Variants in FAT3 observed in about 807,000 individuals in gnomAD.
FAT3 encodes FAT atypical cadherin 3, also known as protocadherin Fat 3.
In FAT3, 95 loss-of-function variants were observed where a neutral mutation model predicts 310.2. That is an observed-to-expected ratio of 0.31 (90% CI 0.26 to 0.36). The LOEUF (loss-of-function observed/expected upper bound fraction) is 0.36, where lower values mean the gene tolerates loss of function less well. Ranked by LOEUF, FAT3 falls within the 10% of genes least tolerant of loss-of-function variation. FAT3 has a pLI of 1.00. For synonymous variants in FAT3, 2,314 were observed against 2,192.9 expected (o/e 1.06, Z -1.54); for missense variants, 5,408 against 5,715.6 (o/e 0.95, Z 1.74).
chr11:92,296,725 G>A (rs1323668133), intron 1 of FAT3, among the ~76,000 whole-genome samples: 1 of 152,096 alleles, frequency 6.6e-6, no homozygotes. Flanking sequence ...TGGTTAGCCT[G>A]CCTTTTCTAT....
intron 19 of FAT3, among the ~76,000 whole-genome samples, chr11:92,849,123 A>G (rs1345063939): frequency 6.6e-6 from 1 of 152,254 alleles, no homozygotes; most frequent in Non-Finnish European, 1.5e-5. Flanking sequence ...AAGGAAACCA[A>G]AACTTGGAAA....
intron 2 of FAT3, among the ~76,000 whole-genome samples, chr11:92,415,875 A>G (rs1357436922): frequency 1.1e-5 from 1 of 92,216 alleles, no homozygotes; most frequent in Non-Finnish European, 2.0e-5. Context: ...TTTTTTTTTA[A>G]GAGATTAGGT....
At chr11:92,635,423 A>G (rs1005501319) in intron 3 of FAT3, among the ~76,000 whole-genome samples, 1 of 152,208 alleles carries the variant, frequency 6.6e-6, no homozygotes, top group African/African-American at 2.4e-5. Flanking sequence ...GTACAATGAA[A>G]TATATTTGAT....
chr11:92,700,782 C>T (rs916316698), intron 4 of FAT3, among the ~76,000 whole-genome samples: 1 of 152,130 alleles, frequency 6.6e-6, no homozygotes, highest in African/African-American at 2.4e-5. Context: ...CTCTCTCTCC[C>T]TTTGTCCTCT....
At chr11:92,621,640 A>G (rs1941094036) in intron 3 of FAT3, among the ~76,000 whole-genome samples, 1 of 152,170 alleles carries the variant, frequency 6.6e-6, no homozygotes. Context: ...TTTTAGCATT[A>G]ATGATCAGGA....
At chr11:92,695,418 C>A (rs935163524) in intron 3 of FAT3, among the ~76,000 whole-genome samples, 3 of 152,046 alleles carry the variant, frequency 2.0e-5, no homozygotes, top group Non-Finnish European at 4.4e-5. Context: ...GGCAGTCTTT[C>A]CTCCTTAATC....
At chr11:92,618,994 T>C (rs960095232) in intron 3 of FAT3, among the ~76,000 whole-genome samples, 1 of 152,200 alleles carries the variant, frequency 6.6e-6, no homozygotes, top group African/African-American at 2.4e-5. Context: ...GGATGCCCTT[T>C]TTCAAGTTGA....
At chr11:92,674,406 A>C (rs993817892) in intron 3 of FAT3, among the ~76,000 whole-genome samples, 5 of 151,752 alleles carry the variant, frequency 3.3e-5, no homozygotes, top group African/African-American at 1.2e-4. Flanking sequence ...TGCTCTGAGA[A>C]ACATTGAGAC....
chr11:92,805,119 A>T (rs2136198246), intron 10 of FAT3, 34 bp from the exon 11 acceptor site: 1 of 1,594,408 alleles, frequency 6.3e-7, no homozygotes, highest in South Asian at 1.1e-5. Context: ...TTCATTGCAC[A>T]TCTTCAAAAG....
chr11:92,355,246 A>G lies in FAT3; in HGVS notation c.3134A>G (p.Asp1045Gly), dbSNP rs1948698897. The G allele has an allele frequency of 6.2e-7, 1 of 1,613,596 alleles. No homozygotes were observed. Among genetic ancestry groups the G allele is most frequent in the African/African-American group, 1.3e-5 (1 of 74,860 alleles). ...NENLHTPYFP[D>G]FAVVGSVKEN... ...AACCTCCACACTCCCTATTTCCCAG[A>G]CTTTGCTGTTGTTGGATCTGTAAAG... is the stretch of plus-strand genomic sequence containing the variant. Residue 1045 changes from aspartate to glycine, a missense_variant, in exon 2 of 28, where the codon GAC becomes GGC. By Grantham distance (94) the Asp-to-Gly change is moderately conservative (BLOSUM62 -1). This residue lies in a region of FAT3 where 4,588 missense variants were observed against 4,809.8 expected (regional missense o/e 0.95). Coordinates refer to ENST00000525166, the MANE Select transcript of FAT3 (RefSeq NM_001367949.2).
At chr11:92,578,850 T>C (rs892168142) in intron 3 of FAT3, among the ~76,000 whole-genome samples, 32 of 152,052 alleles carry the variant, frequency 2.1e-4, no homozygotes, top group African/African-American at 7.7e-4. Context: ...AAAATAACAT[T>C]TTCCCCCATG....
chr11:92,339,972 C>T (rs1387273234), intron 1 of FAT3, among the ~76,000 whole-genome samples: 3 of 151,766 alleles, frequency 2.0e-5, no homozygotes, highest in African/African-American at 4.8e-5. Context: ...ATTAGCCAGG[C>T]GTGGTGGCGG....
rs191974707 is a variant in FAT3, at chr11:92,403,546, A to G, written c.3292+48142A>G. Among the ~76,000 whole-genome samples the G allele has an allele frequency of 3.0e-4, 46 of 152,266 alleles. 1 individual carries two copies. In the East Asian group the frequency reaches 6.4e-3, roughly 21 times the overall value. On this transcript the variant is annotated intron_variant, in intron 2 of 27. Transcript: ENST00000525166. ...ATGAGAGCTGGAGGTACAATATAGG[A>G]AGATATAAAAGAGTTAGATTTGAGG...
At chr11:92,542,579 A>G (rs1382676453) in intron 3 of FAT3, among the ~76,000 whole-genome samples, 1 of 152,110 alleles carries the variant, frequency 6.6e-6, no homozygotes, top group Non-Finnish European at 1.5e-5. Flanking sequence ...GCCAACAGGT[A>G]TATGAAAAAA....
intron 3 of FAT3, among the ~76,000 whole-genome samples, chr11:92,621,381 A>AT (rs1444016283): frequency 5.3e-5 from 8 of 152,234 alleles, no homozygotes; most frequent in Non-Finnish European, 7.3e-5. Flanking sequence ...CTATTTCCAG[A>AT]TGGACAAAAT....
At chr11:92,761,754 T>C in intron 4 of FAT3, 102 bp from the exon 5 acceptor site, 2 of 1,007,674 alleles carry the variant, frequency 2.0e-6, no homozygotes. Flanking sequence ...AGAATTTGGA[T>C]AGGATAGCAT....
chr11:92,842,405 G>T (rs913713479), intron 18 of FAT3, among the ~76,000 whole-genome samples: 1 of 152,070 alleles, frequency 6.6e-6, no homozygotes, highest in Non-Finnish European at 1.5e-5. Flanking sequence ...CATGTGAACG[G>T]GCAACCTCTG....
At chr11:92,230,764 A>G (rs969143143) in intron 1 of FAT3, among the ~76,000 whole-genome samples, 1 of 152,218 alleles carries the variant, frequency 6.6e-6, no homozygotes, top group East Asian at 1.9e-4. Context: ...TGTGTACACT[A>G]GAAGTCACAT....
chr11:92,400,612 G>A (rs1211776054), intron 2 of FAT3: 1 of 151,862 alleles, frequency 6.6e-6, no homozygotes, highest in African/African-American at 2.4e-5. Context: ...TATAAACAGC[G>A]CTATGAAGGA....
Sources: allele counts gnomAD v4.1 joint callset (sites outside exome capture counted in the v4.1 genomes callset), GRCh38; gene constraint gnomAD v4.1.1; regional missense constraint gnomAD v4.1.1; transcripts MANE v1.5; gene names NCBI Gene and HGNC (gene_info 2026-07-23, HGNC 2026-07-21).